Variants in CAVIN1 observed in about 807,000 individuals in gnomAD.
The protein encoded by CAVIN1 is caveolae associated protein 1, also known as caveolae-associated protein 1.
CAVIN1 carries 16 observed loss-of-function variants against 24.0 expected under a neutral mutation model. The ratio of observed to expected loss-of-function variants is 0.67; its 90% confidence interval spans 0.45 to 1.01. The LOEUF (loss-of-function observed/expected upper bound fraction) is 1.01, where lower values mean the gene tolerates loss of function less well. Ranked by LOEUF, CAVIN1 falls within the 50% of genes least tolerant of loss-of-function variation. The pLI is 0.00. For missense variants in CAVIN1, 510 were observed against 551.7 expected, an observed-to-expected ratio of 0.92 and a Z score of 0.76; for synonymous variants, 256 against 256.4, an observed-to-expected ratio of 1.00 and a Z score of 0.02.
chr17:42,417,956 T>C (rs72823064), intron 1 of CAVIN1, among the ~76,000 whole-genome samples: 37,241 of 151,902 alleles, frequency 0.25, 4,815 homozygotes, highest in South Asian at 0.41. Flanking sequence ...TACCGTGCCA[T>C]GGCTATTGCA....
At chr17:42,409,015 C>G (rs2085461346) in intron 1 of CAVIN1, among the ~76,000 whole-genome samples, 1 of 152,086 alleles carries the variant, frequency 6.6e-6, no homozygotes, top group Admixed American at 6.6e-5. Context: ...TGTTCTCAAA[C>G]TCCTGACCTC....
chr17:42,413,574 A>G (rs1220204064), intron 1 of CAVIN1, among the ~76,000 whole-genome samples: 3 of 26,916 alleles, frequency 1.1e-4, no homozygotes, highest in East Asian at 6.6e-4. Context: ...GGGAAAAAAA[A>G]AAAAAAAAAA....
intron 1 of CAVIN1, among the ~76,000 whole-genome samples, chr17:42,417,575 T>C (rs1244783356): frequency 6.6e-6 from 1 of 152,132 alleles, no homozygotes; most frequent in African/African-American, 2.4e-5. Context: ...TGATTGCTGG[T>C]GTAAACAAGC....
At chr17:42,413,620 G>A (rs934044014) in intron 1 of CAVIN1, among the ~76,000 whole-genome samples, 1 of 136,242 alleles carries the variant, frequency 7.3e-6, no homozygotes, top group African/African-American at 2.6e-5. Flanking sequence ...GGGCCAAAAG[G>A]GGTGGGGCAA....
At chr17:42,412,806 C>T (rs1057491065) in intron 1 of CAVIN1, among the ~76,000 whole-genome samples, 2 of 150,870 alleles carry the variant, frequency 1.3e-5, no homozygotes, top group African/African-American at 2.4e-5. Context: ...TAGTAGAGAC[C>T]GGGTTTCACT....
chr17:42,405,037 T>A lies in CAVIN1; in HGVS notation c.823A>T (p.Asn275Tyr), dbSNP rs1347622897. 6.2e-7 allele frequency: 1 copy of A among 1,614,054 alleles called. No homozygotes were observed. Among genetic ancestry groups the A allele is most frequent in the East Asian group, 2.2e-5 (1 of 44,880 alleles). ...GGCACCAGGCGCGTGCCCAGCTTGT[T>A]CATGCGCTTCTCCAGGGTGTGCCGC... ...KTRHTLEKRMNKLGTRLVPAE... is the reference protein window; with the variant it reads ...KTRHTLEKRMYKLGTRLVPAE... The change falls in exon 2 of 2, where the codon AAC (asparagine) becomes TAC (tyrosine). Residue 275 changes from asparagine to tyrosine, a missense_variant. Physicochemically the swap from Asn to Tyr is moderately radical, Grantham distance 143 (BLOSUM62 -2). Coordinates refer to ENST00000357037, the MANE Select transcript of CAVIN1 (RefSeq NM_012232.6).
In CAVIN1 at chr17:42,404,451, T is replaced by C. The variant is rs553338658; in HGVS notation, c.*236A>G. 97 of 398,944 alleles carry C rather than the reference T, an allele frequency of 2.4e-4. 2 individuals carry two copies. The South Asian group carries it at 3.3e-3, about 13-fold the overall frequency. The allele number at this position is 398,944 out of a possible 1,614,324, so 24.7% of individuals were successfully genotyped here. A position where few individuals can be genotyped will look rare whatever the true frequency, so the allele number is the denominator to read the frequency against. ...CCGACTTGGACAACCAGGACAGGGA[T>C]TGACCATTCCCTTCCCATTCCACTC... On this transcript the variant is annotated 3_prime_UTR_variant, in exon 2 of 2. Coordinates refer to ENST00000357037, the MANE Select transcript of CAVIN1 (RefSeq NM_012232.6).
chr17:42,411,487 G>A, intron 1 of CAVIN1: 1 of 985,338 alleles, frequency 1.0e-6, no homozygotes, highest in South Asian at 4.7e-5. Context: ...TCCCCCTCCT[G>A]GCATCTGTGA....
chr17:42,420,933 C>G (rs1417382774), intron 1 of CAVIN1, among the ~76,000 whole-genome samples: 1 of 152,116 alleles, frequency 6.6e-6, no homozygotes, highest in Non-Finnish European at 1.5e-5. Context: ...TCTTGTTCCG[C>G]TCCTCTCAAT....
intron 1 of CAVIN1, chr17:42,411,792 G>C (rs1255047516): frequency 1.0e-6 from 1 of 985,316 alleles, no homozygotes; most frequent in Non-Finnish European, 1.2e-6. Flanking sequence ...GCTTAAGTGT[G>C]GGGGAGCATT....
Position 42,406,282 on chromosome 17 carries a change from G to A in CAVIN1, c.472-894C>T, listed in dbSNP as rs1435773210. On this transcript the variant is annotated intron_variant, in intron 1 of 1. Transcript: ENST00000357037. The stretch of plus-strand genomic sequence containing the variant: ...AAAAGCAAGTGGTGGGAGTGTCTAA[G>A]TTGAAAGCGGGTAGGGGTTTGAGCC... Among the ~76,000 whole-genome samples, 7 of 152,098 alleles carry A rather than the reference G, an allele frequency of 4.6e-5. No individual in the cohort carries two copies. The East Asian group carries it at 9.7e-4, about 21-fold the overall frequency.
intron 1 of CAVIN1, among the ~76,000 whole-genome samples, chr17:42,415,742 A>C (rs1181477189): frequency 6.6e-6 from 1 of 152,098 alleles, no homozygotes; most frequent in African/African-American, 2.4e-5. Context: ...AAAACAAAAA[A>C]AAAGAAAAAA....
At chr17:42,412,741 C>G (rs151250050) in intron 1 of CAVIN1, among the ~76,000 whole-genome samples, 3 of 151,920 alleles carry the variant, frequency 2.0e-5, no homozygotes, top group African/African-American at 7.3e-5. Flanking sequence ...CCTCAGCCTC[C>G]CGAATAGCTG....
At chr17:42,406,542 T>G (rs1438468063) in intron 1 of CAVIN1, among the ~76,000 whole-genome samples, 1 of 152,112 alleles carries the variant, frequency 6.6e-6, no homozygotes, top group African/African-American at 2.4e-5. Flanking sequence ...ACCTGGCTAA[T>G]TTTTTTGTAT....
chr17:42,412,390 T>A, intron 1 of CAVIN1: 24 of 120,520 alleles, frequency 2.0e-4, no homozygotes, highest in Non-Finnish European at 2.5e-4. Context: ...AATAAACCAC[T>A]TTTTTTTTTT....
chr17:42,420,896 G>C (rs1407925784), intron 1 of CAVIN1, among the ~76,000 whole-genome samples: 1 of 152,102 alleles, frequency 6.6e-6, no homozygotes, highest in Non-Finnish European at 1.5e-5. Context: ...AGGAAATATA[G>C]AGCTGGCTTG....
At position 42,410,842 on chromosome 17, in the gene CAVIN1, C is replaced by T. The variant is rs554467476; in HGVS notation, c.472-5454G>A. On this transcript the variant is annotated intron_variant, in intron 1 of 1. Coordinates refer to ENST00000357037, the MANE Select transcript of CAVIN1 (RefSeq NM_012232.6). ...CAGGGAGGTGGAGATTGCAGTGAGC[C>T]GAGATCGTGCCACTGTAATCCAGCC... Among the ~76,000 whole-genome samples the T allele has an allele frequency of 4.2e-4, 50 of 120,236 alleles. No homozygotes were observed. The South Asian group carries it at 0.01, about 24-fold the overall frequency. 78.9% of individuals were successfully genotyped at this position (120,236 alleles called of 152,430 possible).
At chr17:42,412,389 C>CTTTTTTTT in intron 1 of CAVIN1, 2 of 203,018 alleles carry the variant, frequency 9.9e-6, no homozygotes, top group Non-Finnish European at 1.5e-5. Context: ...AAATAAACCA[C>CTTTTTTTT]TTTTTTTTTT....
rs893027709 is a variant in CAVIN1, at chr17:42,422,681, C to A, written c.417G>T (p.Glu139Asp). 5 of 1,606,498 alleles carry A rather than the reference C, an allele frequency of 3.1e-6. No individual in the cohort carries two copies. The highest frequency in any genetic ancestry group is 4.2e-6 in the Non-Finnish European group (5 of 1,176,928). Reference protein sequence around the residue: ...ERQAGQIKKLEVNEAELLRRR... With the variant: ...ERQAGQIKKLDVNEAELLRRR... ...GCCGCAGCAGCTCGGCCTCGTTGAC[C>A]TCCAGCTTCTTGATCTGCCCCGCCT... Residue 139 changes from glutamate (E) to aspartate (D), a missense_variant, in exon 1 of 2, where the codon GAG becomes GAT. By Grantham distance (45) the Glu-to-Asp change is conservative. Transcript: ENST00000357037.
Sources: gnomAD v4.1 joint callset for allele counts (sites outside exome capture counted in the v4.1 genomes callset) on GRCh38, gnomAD v4.1.1 for gene constraint, MANE v1.5 for transcripts, NCBI Gene and HGNC (gene_info 2026-07-23, HGNC 2026-07-21) for gene names.